The following ZYG11B variants were observed in gnomAD, a reference collection of about 807,000 sequenced individuals.
The protein encoded by ZYG11B is protein zyg-11 homolog B.
ZYG11B carries 36 observed loss-of-function variants against 82.4 expected under a neutral mutation model. The ratio of observed to expected loss-of-function variants is 0.44; its 90% CI spans 0.33 to 0.58. The LOEUF is 0.58. ZYG11B is among the 20% of genes least tolerant of loss of function. ZYG11B has a pLI of 0.02. For synonymous variants in ZYG11B, 303 were observed against 312.8 expected, an observed-to-expected ratio of 0.97 and a Z score of 0.33; for missense variants, 552 against 895.6, an observed-to-expected ratio of 0.62 and a Z score of 4.90.
At chr1:52,783,383 T>TA (rs1335092244) in intron 4 of ZYG11B, among the ~76,000 whole-genome samples, 1 of 151,994 alleles carries the variant, frequency 6.6e-6, no homozygotes, top group African/African-American at 2.4e-5. Flanking sequence ...CAGTACAGAA[T>TA]AAAAAATTGA....
chr1:52,818,257 G>C (rs1645252114), intron 13 of ZYG11B, among the ~76,000 whole-genome samples: 1 of 151,946 alleles, frequency 6.6e-6, no homozygotes, highest in African/African-American at 2.4e-5. Flanking sequence ...TGGATCGCTT[G>C]AGCCCGGGAG....
rs1352242565 is a variant in ZYG11B, at chr1:52,817,777, G to GTGTGTATATA, written c.2044+1149_2044+1150insGTGTATATAT. ...AATAGTAAAGTGTGTATATATATGT[G>GTGTGTATATA]TATATATATATATATATATATATAT... On this transcript the variant is annotated intron_variant, in intron 13 of 13. Coordinates refer to ENST00000294353, the MANE Select transcript of ZYG11B (RefSeq NM_024646.3). 7.4e-3 allele frequency among the ~76,000 whole-genome samples: 305 copies of GTGTGTATATA among 41,456 alleles called. 8 individuals are homozygous for GTGTGTATATA. Among genetic ancestry groups the GTGTGTATATA allele is most frequent in the Middle Eastern group, 0.022 (1 of 46 alleles). The allele number at this position is 41,456 out of a possible 152,430, so 27.2% of individuals were successfully genotyped here. A position where few individuals can be genotyped will look rare whatever the true frequency, so the allele number is the denominator to read the frequency against.
At position 52,771,841 on chromosome 1, in the gene ZYG11B, A is replaced by G; in HGVS notation, c.951+67A>G. The G allele has an allele frequency of 6.7e-7, 1 of 1,498,150 alleles. No homozygotes were observed. Among genetic ancestry groups the G allele is most frequent in the Non-Finnish European group, 9.0e-7 (1 of 1,109,900 alleles). The allele number at this position is 1,498,150 out of a possible 1,614,324, so 92.8% of individuals were successfully genotyped here. A position where few individuals can be genotyped will look rare whatever the true frequency, so the allele number is the denominator to read the frequency against. ...ATCTTAGTTGCATAAGACTCTATTA[A>G]AGATGAATGTCTGTAATATATGGAA... On this transcript the variant is annotated intron_variant, in intron 3 of 13. Coordinates refer to ENST00000294353, the MANE Select transcript of ZYG11B (RefSeq NM_024646.3). This position sits in a 1 kb window ranked among gnomAD's most constrained non-coding sequence, Gnocchi z 5.4.
At chr1:52,754,760 T>G (rs1423776328) in intron 1 of ZYG11B, among the ~76,000 whole-genome samples, 1 of 152,200 alleles carries the variant, frequency 6.6e-6, no homozygotes, top group African/African-American at 2.4e-5. Flanking sequence ...TGGTGTCATA[T>G]CTAAGAAACT....
intron 8 of ZYG11B, among the ~76,000 whole-genome samples, chr1:52,798,919 A>G (rs1413746477): frequency 6.6e-6 from 1 of 152,158 alleles, no homozygotes; most frequent in African/African-American, 2.4e-5. Context: ...GAAAAGTCAA[A>G]TAAGAGACTC....
At chr1:52,735,558 A>G (rs1002744136) in intron 1 of ZYG11B, among the ~76,000 whole-genome samples, 1 of 151,578 alleles carries the variant, frequency 6.6e-6, no homozygotes, top group East Asian at 2.0e-4. Context: ...TTATTTTGAG[A>G]CAGAGTCTCT....
At chr1:52,786,697 G>A (rs1299301281) in intron 5 of ZYG11B, among the ~76,000 whole-genome samples, 1 of 152,152 alleles carries the variant, frequency 6.6e-6, no homozygotes, top group African/African-American at 2.4e-5. Context: ...TTGAGGAATT[G>A]TTAGAGCCAG....
intron 10 of ZYG11B, among the ~76,000 whole-genome samples, chr1:52,811,765 G>A (rs140163036): frequency 0.018 from 2,701 of 151,930 alleles, 45 homozygotes; most frequent in Middle Eastern, 0.082. Context: ...GCGCGGTGGC[G>A]CATGCCTGTA....
chr1:52,770,975 C>G, intron 2 of ZYG11B, 45 bp from the exon 3 acceptor site: 2 of 1,559,276 alleles, frequency 1.3e-6, no homozygotes, highest in East Asian at 4.5e-5. Flanking sequence ...TTTGGCTATT[C>G]TTTAACTGTT....
intron 5 of ZYG11B, among the ~76,000 whole-genome samples, chr1:52,785,518 G>A (rs776011023): frequency 3.4e-4 from 51 of 151,970 alleles, no homozygotes; most frequent in African/African-American, 6.8e-4. Context: ...GTGCAGTGGC[G>A]CGATCTCAAC....
intron 2 of ZYG11B, among the ~76,000 whole-genome samples, chr1:52,766,923 G>C (rs1334717910): frequency 2.0e-5 from 3 of 151,816 alleles, no homozygotes; most frequent in African/African-American, 7.3e-5. Flanking sequence ...CGGGAGAATG[G>C]TGTGAACCCG....
chr1:52,803,237 T>C lies in ZYG11B; in HGVS notation c.1695+1098T>C, dbSNP rs1482538542. On this transcript the variant is annotated intron_variant, in intron 10 of 13. Transcript: ENST00000294353. ...ATATATATATATACACACATATATA[T>C]ATACACACACACATATATATATATA... is the stretch of plus-strand genomic sequence containing the variant. Among the ~76,000 whole-genome samples, 193 of 68,562 alleles carry C rather than the reference T, an allele frequency of 2.8e-3. 6 individuals are homozygous for C. The highest frequency in any genetic ancestry group is 0.015 in the African/African-American group (158 of 10,404). The allele number at this position is 68,562 out of a possible 152,430, so 45.0% of individuals were successfully genotyped here. A position where few individuals can be genotyped will look rare whatever the true frequency, so the allele number is the denominator to read the frequency against.
At chr1:52,783,995 T>TAGAGAGAG (rs555644548) in intron 4 of ZYG11B, among the ~76,000 whole-genome samples, 61 of 79,928 alleles carry the variant, frequency 7.6e-4, no homozygotes, top group African/African-American at 3.6e-3. Context: ...CATATATATA[T>TAGAGAGAG]ATAGAGAGAG....
At chr1:52,817,267 C>G (rs571374655) in intron 13 of ZYG11B, among the ~76,000 whole-genome samples, 1 of 152,094 alleles carries the variant, frequency 6.6e-6, no homozygotes, top group Non-Finnish European at 1.5e-5. Context: ...TGGTACATTC[C>G]GGTGCCCAAT....
chr1:52,774,622 T>TC (rs1468966559), intron 3 of ZYG11B, among the ~76,000 whole-genome samples: 3 of 77,446 alleles, frequency 3.9e-5, no homozygotes, highest in African/African-American at 9.1e-5. Flanking sequence ...TTTTTTTTTT[T>TC]TTTTTTTTTT....
At chr1:52,756,992 A>G (rs1644583574) in intron 2 of ZYG11B, among the ~76,000 whole-genome samples, 1 of 145,402 alleles carries the variant, frequency 6.9e-6, no homozygotes, top group African/African-American at 2.6e-5. Flanking sequence ...TAATTTCAAC[A>G]TTTTTCATTT....
chr1:52,777,872 G>A (rs779459418), intron 3 of ZYG11B, among the ~76,000 whole-genome samples: 5 of 152,086 alleles, frequency 3.3e-5, no homozygotes, highest in East Asian at 1.9e-4. Context: ...TGAGATAGTC[G>A]CTCTGAATGA....
At chr1:52,741,585 C>T (rs570466298) in intron 1 of ZYG11B, among the ~76,000 whole-genome samples, 51 of 152,262 alleles carry the variant, frequency 3.3e-4, no homozygotes, top group Non-Finnish European at 6.3e-4. Flanking sequence ...CTTGACTTTT[C>T]ATTTATTCAT....
intron 1 of ZYG11B, among the ~76,000 whole-genome samples, chr1:52,739,736 C>T (rs1375714379): frequency 6.6e-6 from 1 of 152,106 alleles, no homozygotes; most frequent in Non-Finnish European, 1.5e-5. Context: ...ATTCTCCTGC[C>T]TCAGCCTCCC....
Sources: gnomAD v4.1 joint callset for allele counts (sites outside exome capture counted in the v4.1 genomes callset) on GRCh38, gnomAD v4.1.1 for gene constraint, Gnocchi (gnomAD v3.1) non-coding constraint, MANE v1.5 for transcripts, NCBI Gene and HGNC (gene_info 2026-07-23, HGNC 2026-07-21) for gene names.